GCNT2: variants seen among roughly 807,000 people sequenced by gnomAD.
GCNT2 encodes the protein glucosaminyl (N-acetyl) transferase 2 (I blood group), also known as N-acetyllactosaminide beta-1,6-N-acetylglucosaminyl-transferase.
GCNT2 carries 34 observed loss-of-function variants against 34.2 expected under a neutral mutation model. The observed-to-expected ratio is 1.00, with a 90% CI of 0.76 to 1.32. GCNT2 has a LOEUF of 1.32. Among genes scored for constraint, GCNT2 ranks in the 40% most tolerant of loss-of-function variants. The probability of loss-of-function intolerance (pLI) is 0.00; values close to 1 mark genes in which losing one functional copy is unlikely to be tolerated. For synonymous variants in GCNT2, 212 were observed against 188.0 expected (o/e 1.13, Z -1.04); for missense variants, 584 against 489.4 (o/e 1.19, Z -1.82).
At chr6:10,562,248 A>C (rs1304850454) in intron 3 of GCNT2, among the ~76,000 whole-genome samples, 1 of 152,156 alleles carries the variant, frequency 6.6e-6, no homozygotes, top group Non-Finnish European at 1.5e-5. Context: ...TGGTCCCCCT[A>C]TCTCTCTGCA....
intron 3 of GCNT2, among the ~76,000 whole-genome samples, chr6:10,544,877 A>G (rs943092013): frequency 1.3e-5 from 2 of 151,704 alleles, no homozygotes; most frequent in East Asian, 1.9e-4. Flanking sequence ...ACCGGGAGGC[A>G]GAGGTTGCAG....
chr6:10,530,247 C>T (rs1278221208), intron 3 of GCNT2: 2 of 179,538 alleles, frequency 1.1e-5, no homozygotes, highest in Non-Finnish European at 2.4e-5. Flanking sequence ...TGCCTGCAAT[C>T]CCAGCTACTG....
intron 3 of GCNT2, chr6:10,557,487 G>T: frequency 1.5e-6 from 1 of 678,098 alleles, no homozygotes; most frequent in South Asian, 1.9e-5. Flanking sequence ...AATGCAGAAA[G>T]ATGTTCTTTT....
At chr6:10,617,157 C>T (rs975237651) in intron 3 of GCNT2, among the ~76,000 whole-genome samples, 5 of 152,102 alleles carry the variant, frequency 3.3e-5, no homozygotes, top group Non-Finnish European at 1.5e-5. Flanking sequence ...CCATGGCGGT[C>T]GGGGGGAGGC....
chr6:10,564,967 A>G (rs935540155), intron 3 of GCNT2, among the ~76,000 whole-genome samples: 2 of 152,180 alleles, frequency 1.3e-5, no homozygotes, highest in Non-Finnish European at 2.9e-5. Context: ...TATGAGGGAA[A>G]TACACAGGGA....
intron 3 of GCNT2, among the ~76,000 whole-genome samples, chr6:10,582,180 AAT>A (rs1764107398): frequency 1.5e-5 from 2 of 132,192 alleles, no homozygotes; most frequent in African/African-American, 5.6e-5. Context: ...TTTTATATAA[AAT>A]ATATTTTTAT....
intron 3 of GCNT2, among the ~76,000 whole-genome samples, chr6:10,536,511 T>A (rs1318544597): frequency 2.0e-5 from 3 of 148,686 alleles, no homozygotes; most frequent in African/African-American, 7.4e-5. Context: ...CCCACCACTG[T>A]GCCCGGCTAA....
At chr6:10,569,753 C>T (rs1325762309) in intron 3 of GCNT2, among the ~76,000 whole-genome samples, 2 of 152,206 alleles carry the variant, frequency 1.3e-5, no homozygotes, top group Non-Finnish European at 2.9e-5. Context: ...AACCATTTCT[C>T]AGTGTAGTTT....
intron 3 of GCNT2, among the ~76,000 whole-genome samples, chr6:10,544,047 C>T (rs1418680963): frequency 2.0e-5 from 3 of 152,198 alleles, no homozygotes; most frequent in Non-Finnish European, 4.4e-5. Context: ...GGCCTGGTGG[C>T]TCACGCCTGT....
At chr6:10,540,434 C>G (rs1045349723) in intron 3 of GCNT2, among the ~76,000 whole-genome samples, 2 of 152,222 alleles carry the variant, frequency 1.3e-5, no homozygotes, top group Non-Finnish European at 1.5e-5. Flanking sequence ...GCTTTACACT[C>G]CTGCAGAAGC....
chr6:10,621,840 G>A (rs1766050067), intron 4 of GCNT2, among the ~76,000 whole-genome samples: 1 of 152,178 alleles, frequency 6.6e-6, no homozygotes, highest in Non-Finnish European at 1.5e-5. Flanking sequence ...CAAGAAGCTG[G>A]GACCACAGGC....
intron 3 of GCNT2, among the ~76,000 whole-genome samples, chr6:10,581,110 T>C (rs773031692): frequency 1.5e-4 from 23 of 152,148 alleles, no homozygotes; most frequent in Non-Finnish European, 2.6e-4. Context: ...CCATTTGATA[T>C]ATTCAAAGAT....
intron 3 of GCNT2, among the ~76,000 whole-genome samples, chr6:10,563,681 G>C: frequency 6.7e-6 from 1 of 149,562 alleles, no homozygotes; most frequent in East Asian, 2.0e-4. Flanking sequence ...GGCGGAGCTT[G>C]CAGTGAGCCG....
At position 10,528,875 on chromosome 6, in the gene GCNT2, T is replaced by C; in HGVS notation, c.-37T>C. On this transcript the variant is annotated 5_prime_UTR_variant, in exon 3 of 5. Coordinates refer to ENST00000495262, the MANE Select transcript of GCNT2 (RefSeq NM_145649.5). ...AATATATCTACACTCTGATCCTATCTCAAGAGAGAGATATTTTACTCATTT... is the reference window on the plus strand; with the variant it reads ...AATATATCTACACTCTGATCCTATCCCAAGAGAGAGATATTTTACTCATTT... 6.7e-7 allele frequency: 1 copy of C among 1,493,264 alleles called. No homozygotes were observed. The highest frequency in any genetic ancestry group is 1.1e-5 in the South Asian group (1 of 88,696). The allele number at this position is 1,493,264 out of a possible 1,614,324, so 92.5% of individuals were successfully genotyped here. A position where few individuals can be genotyped will look rare whatever the true frequency, so the allele number is the denominator to read the frequency against.
Position 10,626,711 on chromosome 6 carries a change from A to T in GCNT2, c.*104A>T. ...TCGTAATGTTAACCGTTTCAGGACC[A>T]CGTTTATAGCTTCAGGACCTGGCTA... is the stretch of plus-strand genomic sequence containing the variant. On this transcript the variant is annotated 3_prime_UTR_variant, in exon 5 of 5. Coordinates refer to ENST00000495262, the MANE Select transcript of GCNT2 (RefSeq NM_145649.5). 3.8e-6 allele frequency: 3 copies of T among 798,258 alleles called. No homozygotes were observed. In the East Asian group the frequency reaches 7.7e-5, roughly 20 times the overall value. 49.4% of individuals were successfully genotyped at this position (798,258 alleles called of 1,614,324 possible).
chr6:10,569,235 C>CCCCACACA (rs1763420768), intron 3 of GCNT2, among the ~76,000 whole-genome samples: 1 of 47,464 alleles, frequency 2.1e-5, no homozygotes, highest in Non-Finnish European at 5.0e-5. Context: ...ACTCCCCCCG[C>CCCCACACA]CACACACACA....
chr6:10,524,748 G>C (rs1191643173), intron 1 of GCNT2, among the ~76,000 whole-genome samples: 1 of 152,016 alleles, frequency 6.6e-6, no homozygotes, highest in Admixed American at 6.5e-5. Flanking sequence ...AGAATCACTT[G>C]AACCTGGGAG....
intron 4 of GCNT2, chr6:10,621,651 G>A (rs1766043538): frequency 1.8e-6 from 1 of 555,542 alleles, no homozygotes; most frequent in African/African-American, 1.9e-5. Flanking sequence ...TAATTACCTA[G>A]GGAGATGGAA....
rs758305377 is a variant in GCNT2, at chr6:10,529,229, C to A, written c.318C>A (p.Asp106Glu). The change falls in exon 3 of 5, where the codon GAC becomes GAA. Residue 106 changes from aspartate to glutamate, a missense_variant. Physicochemically the swap from Asp to Glu is conservative, Grantham distance 45. Transcript: ENST00000495262. ...CTTACACAGTGACCATCCACAAAGA[C>A]TTCGGCACTTTTGAGAGGCTCTTCA... ...PLAYTVTIHK[D>E]FGTFERLFRA... The A allele has an allele frequency of 1.2e-6, 2 of 1,614,200 alleles. No homozygotes were observed. The highest frequency in any genetic ancestry group is 2.2e-5 in the South Asian group (2 of 91,086).
Sources: gnomAD v4.1 joint callset for allele counts (sites outside exome capture counted in the v4.1 genomes callset) on GRCh38, gnomAD v4.1.1 for gene constraint, MANE v1.5 for transcripts, NCBI Gene and HGNC (gene_info 2026-07-23, HGNC 2026-07-21) for gene names.